Variants in ANKDD1B observed in about 807,000 individuals in gnomAD.
ANKDD1B encodes ankyrin repeat and death domain containing 1B.
Under a neutral mutation model 59.7 loss-of-function variants are expected in ANKDD1B, and 57 were observed. That is an observed-to-expected ratio of 0.95 (90% confidence interval 0.77 to 1.19). The LOEUF is 1.19. Among genes scored for constraint, ANKDD1B ranks in the 50% most tolerant of loss-of-function variants. The probability of loss-of-function intolerance (pLI) is 0.00; values close to 1 mark genes in which losing one functional copy is unlikely to be tolerated. For missense variants in ANKDD1B, 602 were observed against 641.9 expected (o/e 0.94, Z 0.67); for synonymous variants, 216 against 239.5 (o/e 0.90, Z 0.91).
intron 6 of ANKDD1B, 29 bp downstream of exon 6, chr5:75,635,025 G>C: frequency 7.0e-7 from 1 of 1,419,910 alleles, no homozygotes; most frequent in Non-Finnish European, 9.6e-7. Context: ...TCTTTGCTGA[G>C]AACAAGAGAA....
intron 5 of ANKDD1B, among the ~76,000 whole-genome samples, chr5:75,627,273 T>C (rs920813257): frequency 6.6e-6 from 1 of 152,188 alleles, no homozygotes; most frequent in Non-Finnish European, 1.5e-5. Context: ...ATAGGAGAAG[T>C]CTTGTCCCAC....
At chr5:75,615,864 G>A (rs1211801827) in intron 1 of ANKDD1B, among the ~76,000 whole-genome samples, 1 of 152,000 alleles carries the variant, frequency 6.6e-6, no homozygotes, top group Non-Finnish European at 1.5e-5. Context: ...ATTTTGGAGG[G>A]ACACAATTCA....
chr5:75,627,466 G>A (rs1389787397), intron 5 of ANKDD1B, among the ~76,000 whole-genome samples: 1 of 152,144 alleles, frequency 6.6e-6, no homozygotes, highest in East Asian at 1.9e-4. Flanking sequence ...ATGCTTAAAT[G>A]AGCTAATGAC....
At chr5:75,621,863 A>G (rs1462110085) in intron 3 of ANKDD1B, among the ~76,000 whole-genome samples, 1 of 152,152 alleles carries the variant, frequency 6.6e-6, no homozygotes, top group Non-Finnish European at 1.5e-5. Context: ...AAGCATGACT[A>G]TTTCTCTTAA....
At position 75,625,867 on chromosome 5, in the gene ANKDD1B, T is replaced by C; in HGVS notation, c.512T>C (p.Leu171Pro). The C allele has an allele frequency of 6.5e-7, 1 of 1,536,304 alleles. No homozygotes were observed. The highest frequency in any genetic ancestry group is 8.7e-7 in the Non-Finnish European group (1 of 1,146,866). Residue 171 changes from leucine to proline, a missense_variant, in exon 5 of 14, where the codon CTC (leucine) becomes CCC (proline). By Grantham distance (98) the Leu-to-Pro change is moderately conservative. This residue lies in a region of ANKDD1B where 317 missense variants were observed against 304.6 expected (regional missense o/e 1.04). Transcript: ENST00000601380. Reference sequence around the variant, plus strand: ...TCTCTTCAGGATGGAATGAGCGCCCTCCACTTTGCCACTCAGAGCAATCAT... The same window carrying C: ...TCTCTTCAGGATGGAATGAGCGCCCCCCACTTTGCCACTCAGAGCAATCAT... ...RAKNQDGMSALHFATQSNHVR... is the reference protein window; with the variant it reads ...RAKNQDGMSAPHFATQSNHVR...
chr5:75,618,992 C>G (rs532187420), intron 2 of ANKDD1B, among the ~76,000 whole-genome samples: 1 of 152,296 alleles, frequency 6.6e-6, no homozygotes, highest in African/African-American at 2.4e-5. Flanking sequence ...GTGATCCACC[C>G]GCCTTGGCCT....
Position 75,653,327 on chromosome 5 carries a change from G to A in ANKDD1B, c.897+87G>A, listed in dbSNP as rs1022301022. On this transcript the variant is annotated intron_variant, in intron 8 of 13. Coordinates refer to ENST00000601380, the MANE Select transcript of ANKDD1B (RefSeq NM_001276713.2). ...AGATGCCCCTTGCAGATACGTGTAGGAGATGAGATGTTTCACAAGGGAGGA... is the reference window on the plus strand; with the variant it reads ...AGATGCCCCTTGCAGATACGTGTAGAAGATGAGATGTTTCACAAGGGAGGA... The A allele has an allele frequency of 1.3e-5, 11 of 853,354 alleles. 1 individual carries two copies. Among genetic ancestry groups the A allele is most frequent in the Non-Finnish European group, 1.9e-5 (10 of 532,370 alleles). The allele number at this position is 853,354 out of a possible 1,614,324, so 52.9% of individuals were successfully genotyped here.
At chr5:75,656,156 G>A (rs1200786869) in intron 9 of ANKDD1B, 29 bp downstream of exon 9, 2 of 1,145,314 alleles carry the variant, frequency 1.7e-6, no homozygotes, top group Non-Finnish European at 2.5e-6. Context: ...AGCCTGGAGG[G>A]TCTCTTTTCT....
chr5:75,666,675 G>T, intron 11 of ANKDD1B, 117 bp from the exon 12 acceptor site: 1 of 704,872 alleles, frequency 1.4e-6, no homozygotes, highest in Non-Finnish European at 2.3e-6. Context: ...AGGAGGCATT[G>T]AAAACATAGT....
chr5:75,654,868 C>T (rs537739294), intron 8 of ANKDD1B, among the ~76,000 whole-genome samples: 13 of 152,164 alleles, frequency 8.5e-5, no homozygotes, highest in African/African-American at 2.7e-4. Context: ...ACACTCAGCT[C>T]GGCTCCGGAT....
chr5:75,663,575 C>A, intron 11 of ANKDD1B, 86 bp downstream of exon 11: 1 of 1,092,322 alleles, frequency 9.2e-7, no homozygotes, highest in Non-Finnish European at 1.3e-6. Context: ...CTGTGCCATT[C>A]TTTGCTCTAA....
At chr5:75,620,916 T>C (rs1180455448) in intron 3 of ANKDD1B, among the ~76,000 whole-genome samples, 1 of 152,220 alleles carries the variant, frequency 6.6e-6, no homozygotes, top group African/African-American at 2.4e-5. Flanking sequence ...CCTGGTCCTC[T>C]GTCTGGAAAG....
In ANKDD1B at chr5:75,653,180, C is replaced by T. The variant is rs200314468; in HGVS notation, c.837C>T (p.Gly279=). 8.7e-4 allele frequency: 1,344 copies of T among 1,536,026 alleles called. 27 individuals are homozygous for T. The highest frequency in any genetic ancestry group is 7.3e-3 in the South Asian group (613 of 84,044). The change falls in exon 8 of 14, where the codon GGC becomes GGT. Residue 279 remains glycine (G), a synonymous_variant. Transcript: ENST00000601380. ...GTTTGCAGATAGCAACCAGGAACGG[C>T]CATGCATCCCTTGTCAACTTTCTTC... ...ISSLQIATRN[G]HASLVNFLLS...
intron 5 of ANKDD1B, among the ~76,000 whole-genome samples, chr5:75,633,284 C>G (rs1037135285): frequency 1.3e-5 from 2 of 151,694 alleles, no homozygotes; most frequent in Non-Finnish European, 2.9e-5. Flanking sequence ...ATATGTGGCC[C>G]AAGAATGATG....
intron 7 of ANKDD1B, among the ~76,000 whole-genome samples, chr5:75,641,315 C>A (rs181441553): frequency 0.037 from 5,586 of 152,248 alleles, 338 homozygotes; most frequent in African/African-American, 0.13. Context: ...TTAACCCCTG[C>A]AATGGCTTTG....
chr5:75,626,870 T>G (rs899315988), intron 5 of ANKDD1B, among the ~76,000 whole-genome samples: 1 of 152,144 alleles, frequency 6.6e-6, no homozygotes, highest in African/African-American at 2.4e-5. Context: ...CAGTAGAATA[T>G]ACTTCATGAA....
chr5:75,617,098 T>A (rs1426384334), intron 2 of ANKDD1B, among the ~76,000 whole-genome samples, 191 bp downstream of exon 2: 1 of 152,176 alleles, frequency 6.6e-6, no homozygotes, highest in East Asian at 1.9e-4. Flanking sequence ...CTGGGTGTTT[T>A]AATTCCTCTT....
chr5:75,655,412 G>A (rs1355318661), intron 8 of ANKDD1B, among the ~76,000 whole-genome samples: 1 of 152,222 alleles, frequency 6.6e-6, no homozygotes, highest in Non-Finnish European at 1.5e-5. Context: ...GCACACTGAG[G>A]AGTCGGGGCT....
In ANKDD1B at chr5:75,625,759, T is replaced by C; in HGVS notation, c.495+14T>C. ...GCCAAGAATCAGGTAGGTATGTGGG[T>C]CACACCTGGACAAAAGCTCTTACCT... On this transcript the variant is annotated intron_variant, in intron 4 of 13. Coordinates refer to ENST00000601380, the MANE Select transcript of ANKDD1B (RefSeq NM_001276713.2). 1 of 1,535,034 alleles carries C rather than the reference T, an allele frequency of 6.5e-7. No individual in the cohort carries two copies. The highest frequency in any genetic ancestry group is 2.0e-5 in the Admixed American group (1 of 50,980).
Sources: gnomAD v4.1 joint callset for allele counts (sites outside exome capture counted in the v4.1 genomes callset) on GRCh38, gnomAD v4.1.1 for gene constraint, gnomAD v4.1.1 regional missense constraint, MANE v1.5 for transcripts, NCBI Gene and HGNC (gene_info 2026-07-23, HGNC 2026-07-21) for gene names.